Variants in SLC1A7 observed in about 807,000 individuals in gnomAD.
SLC1A7 encodes excitatory amino acid transporter 5.
In SLC1A7, 40 loss-of-function variants were observed where a neutral mutation model predicts 47.7. That is an observed-to-expected ratio of 0.84 (90% confidence interval 0.65 to 1.09). SLC1A7 has a LOEUF of 1.09. Ranked by LOEUF, SLC1A7 falls within the 50% of genes least tolerant of loss-of-function variation. The pLI is 0.00. For missense variants in SLC1A7, 746 were observed against 769.5 expected (o/e 0.97, Z 0.36); for synonymous variants, 323 against 325.6 (o/e 0.99, Z 0.09).
intron 5 of SLC1A7, among the ~76,000 whole-genome samples, chr1:53,096,369 C>T (rs1390604550): frequency 6.7e-6 from 1 of 149,040 alleles, no homozygotes; most frequent in Non-Finnish European, 1.5e-5. Flanking sequence ...CACCTTGGTA[C>T]ACTCACACAT....
At chr1:53,103,632 A>G (rs1572317346) in intron 4 of SLC1A7, 64 bp from the exon 5 acceptor site, 1 of 941,950 alleles carries the variant, frequency 1.1e-6, no homozygotes, top group East Asian at 2.5e-5. Flanking sequence ...TATTAACGAC[A>G]ACAATAATAG....
At chr1:53,110,740 T>C (rs1303300652) in intron 3 of SLC1A7, among the ~76,000 whole-genome samples, 1 of 152,168 alleles carries the variant, frequency 6.6e-6, no homozygotes, top group Non-Finnish European at 1.5e-5. Flanking sequence ...TCCTCTTTCC[T>C]CGTCTTTAGG....
At position 53,090,813 on chromosome 1, in the gene SLC1A7, T is replaced by G. The variant is rs773084048; in HGVS notation, c.1032-7A>C. 1.2e-6 allele frequency: 2 copies of G among 1,606,350 alleles called. No homozygotes were observed. Among genetic ancestry groups the G allele is most frequent in the Admixed American group, 1.7e-5 (1 of 58,888 alleles). On this transcript the variant is annotated splice_region_variant and splice_polypyrimidine_tract_variant and intron_variant, in intron 7 of 10. Transcript: ENST00000371494. ...GATGGGCAGTGTGGCTGAGCTACGG[T>G]TAGAGGGGCCGGTGTCTGCCCAGCA... is the stretch of plus-strand genomic sequence containing the variant.
intron 3 of SLC1A7, among the ~76,000 whole-genome samples, chr1:53,109,066 C>G (rs1233180128): frequency 6.6e-6 from 1 of 152,086 alleles, no homozygotes. Context: ...AATAGCCATG[C>G]CTATCAAATA....
chr1:53,090,053 G>T (rs546909849), intron 8 of SLC1A7, 119 bp from the exon 9 acceptor site: 4 of 1,091,416 alleles, frequency 3.7e-6, no homozygotes, highest in East Asian at 5.1e-5. Flanking sequence ...GGTGCGGGGG[G>T]TGGGTAGGAA....
At chr1:53,129,429 G>A (rs548072594) in intron 2 of SLC1A7, among the ~76,000 whole-genome samples, 14 of 152,068 alleles carry the variant, frequency 9.2e-5, no homozygotes, top group Admixed American at 2.6e-4. Flanking sequence ...AACCACCCCC[G>A]CCCATGCTTC....
chr1:53,139,296 T>C (rs1012198684), intron 1 of SLC1A7, among the ~76,000 whole-genome samples: 1 of 152,252 alleles, frequency 6.6e-6, no homozygotes, highest in African/African-American at 2.4e-5. Flanking sequence ...AGTCTCTTCC[T>C]GCCTTTGGCT....
chr1:53,110,963 C>G (rs1456740846), intron 3 of SLC1A7, among the ~76,000 whole-genome samples: 1 of 152,148 alleles, frequency 6.6e-6, no homozygotes, highest in Non-Finnish European at 1.5e-5. Context: ...TCAGCAAACT[C>G]TGCGCACCCA....
At chr1:53,140,240 G>A (rs1404760980) in intron 1 of SLC1A7, among the ~76,000 whole-genome samples, 1 of 152,212 alleles carries the variant, frequency 6.6e-6, no homozygotes, top group Non-Finnish European at 1.5e-5. Flanking sequence ...CCAAACAGAT[G>A]GGAAAGGCAG....
Position 53,114,752 on chromosome 1 carries a change from A to G in SLC1A7, c.431+6T>C. 6.2e-7 allele frequency: 1 copy of G among 1,612,326 alleles called. No individual in the cohort carries two copies. The highest frequency in any genetic ancestry group is 8.5e-7 in the Non-Finnish European group (1 of 1,178,792). On this transcript the variant is annotated splice_donor_region_variant and intron_variant, in intron 3 of 10. Coordinates refer to ENST00000371494, the MANE Select transcript of SLC1A7 (RefSeq NM_006671.6). The stretch of plus-strand genomic sequence containing the variant: ...TCCCAAGCGGGGTGTGGGTGGCAAT[A>G]GTTACCGGATGAGGTCCAACAGGGC...
At chr1:53,132,292 G>A (rs923167943) in intron 2 of SLC1A7, among the ~76,000 whole-genome samples, 1 of 152,168 alleles carries the variant, frequency 6.6e-6, no homozygotes, top group Non-Finnish European at 1.5e-5. Context: ...GAAGTGAGGC[G>A]AGGAGACCAG....
chr1:53,104,578 A>G (rs1300580838), intron 4 of SLC1A7, among the ~76,000 whole-genome samples: 2 of 152,188 alleles, frequency 1.3e-5, no homozygotes, highest in African/African-American at 4.8e-5. Context: ...TATCTCTCAC[A>G]CCCTCAATGA....
chr1:53,117,601 T>C (rs938487541), intron 2 of SLC1A7, among the ~76,000 whole-genome samples: 39 of 152,252 alleles, frequency 2.6e-4, no homozygotes, highest in Non-Finnish European at 4.7e-4. Context: ...TTTGCATCTC[T>C]GCAGTGAGCC....
intron 4 of SLC1A7, among the ~76,000 whole-genome samples, chr1:53,104,231 T>C (rs935134411): frequency 2.0e-5 from 3 of 152,180 alleles, no homozygotes; most frequent in African/African-American, 7.2e-5. Flanking sequence ...TTTCCTCCTC[T>C]GTAAAATGGG....
intron 5 of SLC1A7, among the ~76,000 whole-genome samples, chr1:53,094,098 A>G (rs759564079): frequency 6.6e-6 from 1 of 152,140 alleles, no homozygotes; most frequent in Admixed American, 6.5e-5. Flanking sequence ...GCAAACTCCC[A>G]TTTATTCTTC....
Position 53,103,385 on chromosome 1 carries a change from T to C in SLC1A7, c.658A>G (p.Met220Val). 2 of 1,610,020 alleles carry C rather than the reference T, an allele frequency of 1.2e-6. No homozygotes were observed. The highest frequency in any genetic ancestry group is 1.1e-5 in the South Asian group (1 of 90,006). Residue 220 changes from methionine (M) to valine (V), a missense_variant, in exon 5 of 11, where the codon ATG (methionine) becomes GTG (valine). By Grantham distance (21) the Met-to-Val change is conservative. Transcript: ENST00000371494. The part of the protein sequence containing the change: ...YKSEPGTSDG[M>V]NVLGIVFFSA... ...AAGAAGACGATGCCCAGCACATTCA[T>C]GCCATCGCTGGTGCCCGGCTCTGAC...
chr1:53,110,659 C>T (rs1480425930), intron 3 of SLC1A7, among the ~76,000 whole-genome samples: 1 of 152,156 alleles, frequency 6.6e-6, no homozygotes, highest in Non-Finnish European at 1.5e-5. Context: ...AATCATAAGA[C>T]CCAAGAAACC....
intron 1 of SLC1A7, among the ~76,000 whole-genome samples, chr1:53,135,326 G>A (rs1644981108): frequency 6.6e-6 from 1 of 152,202 alleles, no homozygotes; most frequent in South Asian, 2.1e-4. Context: ...AGCCTAGCTG[G>A]TGAGGAGACC....
intron 1 of SLC1A7, among the ~76,000 whole-genome samples, chr1:53,138,214 C>T (rs906886473): frequency 5.9e-5 from 9 of 152,124 alleles, no homozygotes; most frequent in Non-Finnish European, 1.0e-4. Context: ...TGGTTTTATT[C>T]CACCAGAACC....
Sources: allele counts gnomAD v4.1 joint callset (sites outside exome capture counted in the v4.1 genomes callset), GRCh38; gene constraint gnomAD v4.1.1; transcripts MANE v1.5; gene names NCBI Gene and HGNC (gene_info 2026-07-23, HGNC 2026-07-21).